The following CYP2C19 variants were observed in gnomAD, a reference collection of about 807,000 sequenced individuals.
CYP2C19 encodes cytochrome P450 2C19.
A neutral mutation model predicts 40.9 loss-of-function variants in CYP2C19; 59 were observed. The observed-to-expected ratio is 1.44, with a 90% confidence interval of 1.17 to 1.79. CYP2C19 has a LOEUF of 1.79. Ranked by LOEUF, CYP2C19 falls within the 40% of genes most tolerant of loss-of-function variation. The pLI is 0.00. For synonymous variants in CYP2C19, 253 were observed against 208.7 expected, an observed-to-expected ratio of 1.21 and a Z score of -1.83; for missense variants, 754 against 596.9, an observed-to-expected ratio of 1.26 and a Z score of -2.74.
chr10:94,827,653 G>A (rs114767197), intron 6 of CYP2C19, among the ~76,000 whole-genome samples: 2 of 152,090 alleles, frequency 1.3e-5, no homozygotes, highest in Non-Finnish European at 2.9e-5. Flanking sequence ...TCTTTTGTGT[G>A]TCTCTTTCCT....
intron 5 of CYP2C19, among the ~76,000 whole-genome samples, chr10:94,787,555 C>T (rs1463382346): frequency 1.3e-5 from 2 of 152,036 alleles, no homozygotes; most frequent in African/African-American, 4.8e-5. Flanking sequence ...AGGGATTATT[C>T]ATAAATTCTT....
At chr10:94,783,088 T>A (rs1848499731) in intron 5 of CYP2C19, among the ~76,000 whole-genome samples, 1 of 151,938 alleles carries the variant, frequency 6.6e-6, no homozygotes, top group Non-Finnish European at 1.5e-5. Context: ...TGCACATGTA[T>A]CCCAGAACTT....
intron 6 of CYP2C19, among the ~76,000 whole-genome samples, chr10:94,835,102 G>T (rs1257777362): frequency 6.6e-6 from 1 of 152,084 alleles, no homozygotes; most frequent in South Asian, 2.1e-4. Context: ...CTGCATCTGG[G>T]GCTCCATTTG....
intron 1 of CYP2C19, among the ~76,000 whole-genome samples, chr10:94,771,533 A>C (rs1848330992): frequency 6.6e-6 from 1 of 152,126 alleles, no homozygotes; most frequent in Non-Finnish European, 1.5e-5. Flanking sequence ...GAGAGAGAAT[A>C]GTGGGGCCAG....
chr10:94,853,539 T>A lies in CYP2C19; in HGVS notation c.*625T>A, dbSNP rs1849686859. ...GGAATGGATATTAAATGTTCCACATTGGTGTTCCTTTTTTTTTTTTTTTTG... is the reference window on the plus strand; with the variant it reads ...GGAATGGATATTAAATGTTCCACATAGGTGTTCCTTTTTTTTTTTTTTTTG... On this transcript the variant is annotated 3_prime_UTR_variant, in exon 9 of 9. Transcript: ENST00000371321. Among the ~76,000 whole-genome samples, 1 of 126,760 alleles carries A rather than the reference T, an allele frequency of 7.9e-6. No homozygotes were observed. Among genetic ancestry groups the A allele is most frequent in the Non-Finnish European group, 1.6e-5 (1 of 63,354 alleles). 83.2% of individuals were successfully genotyped at this position (126,760 alleles called of 152,430 possible). A position where few individuals can be genotyped will look rare whatever the true frequency, so the allele number is the denominator to read the frequency against.
intron 1 of CYP2C19, among the ~76,000 whole-genome samples, chr10:94,773,173 G>A (rs61249521): frequency 0.08 from 12,190 of 152,258 alleles, 564 homozygotes; most frequent in South Asian, 0.12. Context: ...AAGGGATCCA[G>A]TGGTACTTAC....
chr10:94,838,683 CA>C (rs1238576992), intron 6 of CYP2C19, among the ~76,000 whole-genome samples: 2 of 151,976 alleles, frequency 1.3e-5, no homozygotes, highest in East Asian at 1.9e-4. Context: ...GGGAAGGAGT[CA>C]GGGGGACACT....
At chr10:94,797,665 A>G (rs1156761346) in intron 5 of CYP2C19, among the ~76,000 whole-genome samples, 6 of 151,944 alleles carry the variant, frequency 3.9e-5, no homozygotes, top group African/African-American at 1.4e-4. Context: ...CCTTAATTTC[A>G]TAGCCTGTTA....
intron 7 of CYP2C19, among the ~76,000 whole-genome samples, chr10:94,843,864 G>T (rs908483923): frequency 2.0e-5 from 3 of 152,142 alleles, no homozygotes; most frequent in Non-Finnish European, 4.4e-5. Flanking sequence ...AGCAGTGGAA[G>T]TTTTACATTT....
intron 6 of CYP2C19, among the ~76,000 whole-genome samples, chr10:94,821,177 G>A (rs1338248350): frequency 6.6e-6 from 1 of 152,206 alleles, no homozygotes; most frequent in East Asian, 1.9e-4. Flanking sequence ...CAGCATGGCA[G>A]TTTCAAAAGC....
intron 7 of CYP2C19, among the ~76,000 whole-genome samples, chr10:94,846,185 G>A (rs1028183498): frequency 6.6e-6 from 1 of 152,056 alleles, no homozygotes; most frequent in Non-Finnish European, 1.5e-5. Context: ...TTTATCTCCT[G>A]TAATCAAGAA....
chr10:94,843,105 A>AATT (rs1849521262), intron 7 of CYP2C19, 81 bp downstream of exon 7: 1 of 1,542,920 alleles, frequency 6.5e-7, no homozygotes. Flanking sequence ...CTCTACCATC[A>AATT]CTGGGTGAGA....
chr10:94,805,498 A>G (rs1055815491), intron 5 of CYP2C19, among the ~76,000 whole-genome samples: 9 of 152,244 alleles, frequency 5.9e-5, no homozygotes, highest in African/African-American at 2.2e-4. Context: ...GTGTATTGGC[A>G]TTGATTACAT....
intron 3 of CYP2C19, 122 bp from the exon 4 acceptor site, chr10:94,780,377 T>C: frequency 1.5e-6 from 2 of 1,301,838 alleles, no homozygotes; most frequent in Non-Finnish European, 2.1e-6. Flanking sequence ...TTTTTTGCTT[T>C]TAAGGGAATT....
intron 5 of CYP2C19, among the ~76,000 whole-genome samples, chr10:94,804,591 A>T (rs1848808573): frequency 6.6e-6 from 1 of 152,166 alleles, no homozygotes; most frequent in African/African-American, 2.4e-5. Context: ...TAGAATAAAC[A>T]AAGTGCTCTC....
At chr10:94,764,259 T>C (rs1418640349) in intron 1 of CYP2C19, among the ~76,000 whole-genome samples, 1 of 152,178 alleles carries the variant, frequency 6.6e-6, no homozygotes, top group Non-Finnish European at 1.5e-5. Flanking sequence ...CATGTCCTGC[T>C]GATTGGCCCA....
chr10:94,837,897 A>T (rs1169939211), intron 6 of CYP2C19, among the ~76,000 whole-genome samples: 3 of 152,154 alleles, frequency 2.0e-5, no homozygotes, highest in Non-Finnish European at 4.4e-5. Context: ...CCTTGACATA[A>T]GGGGCATGGA....
Position 94,773,246 on chromosome 10 carries a change from C to T in CYP2C19, c.169-1812C>T, listed in dbSNP as rs112180154. 8.1e-3 allele frequency among the ~76,000 whole-genome samples: 1,229 copies of T among 152,230 alleles called. 7 individuals carry two copies. The highest frequency in any genetic ancestry group is 0.01 in the Admixed American group (153 of 15,280). On this transcript the variant is annotated intron_variant, in intron 1 of 8. Coordinates refer to ENST00000371321, the MANE Select transcript of CYP2C19 (RefSeq NM_000769.4). ...AAATGTGTCCAGAATTGGTTCCTTC[C>T]GGTGGGTTCTTGGTCTCACTGACTT...
intron 5 of CYP2C19, among the ~76,000 whole-genome samples, chr10:94,788,380 A>G (rs1848569561): frequency 6.6e-6 from 1 of 152,056 alleles, no homozygotes; most frequent in Non-Finnish European, 1.5e-5. Flanking sequence ...TGAAGACAGT[A>G]GAAGGATGGG....
Sources: gnomAD v4.1 joint callset for allele counts (sites outside exome capture counted in the v4.1 genomes callset) on GRCh38, gnomAD v4.1.1 for gene constraint, MANE v1.5 for transcripts, NCBI Gene and HGNC (gene_info 2026-07-23, HGNC 2026-07-21) for gene names.